The following NTN1 variants were observed in gnomAD, a reference collection of about 807,000 sequenced individuals.
NTN1 encodes the protein netrin 1, also known as netrin-1.
A neutral mutation model predicts 54.2 loss-of-function variants in NTN1; 11 were observed. The ratio of observed to expected loss-of-function variants is 0.20; its 90% confidence interval spans 0.13 to 0.34. The LOEUF (loss-of-function observed/expected upper bound fraction) is 0.34, where lower values mean the gene tolerates loss of function less well. NTN1 is among the 10% of genes least tolerant of loss of function. The pLI is 1.00. For missense variants in NTN1, 740 were observed against 893.1 expected (o/e 0.83, Z 2.18); for synonymous variants, 371 against 382.0 (o/e 0.97, Z 0.33).
intron 5 of NTN1, among the ~76,000 whole-genome samples, chr17:9,188,367 G>A (rs1469269523): frequency 6.7e-6 from 1 of 148,326 alleles, no homozygotes; most frequent in Non-Finnish European, 1.5e-5. Context: ...GGTGGAGGTT[G>A]CAGTGAGCTG....
chr17:9,134,040 G>T (rs781235188), intron 2 of NTN1, among the ~76,000 whole-genome samples: 1 of 151,156 alleles, frequency 6.6e-6, no homozygotes, highest in Non-Finnish European at 1.5e-5. Flanking sequence ...AAGTAGCTGG[G>T]ATTACAGGCA....
intron 2 of NTN1, among the ~76,000 whole-genome samples, chr17:9,107,097 T>C (rs2092170009): frequency 6.6e-6 from 1 of 152,178 alleles, no homozygotes; most frequent in Non-Finnish European, 1.5e-5. Flanking sequence ...TTATTTACAC[T>C]TGGGGTATTA....
Position 9,240,116 on chromosome 17 carries a change from G to A in NTN1, c.*148G>A, listed in dbSNP as rs921721648. On this transcript the variant is annotated 3_prime_UTR_variant, in exon 7 of 7. Coordinates refer to ENST00000173229, the MANE Select transcript of NTN1 (RefSeq NM_004822.3). ...GGCGGGGCCGCACGGCGCGGGGGGC[G>A]GGACCCTCGGCGGCCCCTCCCCCTA... 4.1e-6 allele frequency: 1 copy of A among 243,288 alleles called. No individual in the cohort carries two copies. The highest frequency in any genetic ancestry group is 2.3e-5 in the African/African-American group (1 of 43,062). The allele number at this position is 243,288 out of a possible 1,614,324, so 15.1% of individuals were successfully genotyped here.
intron 6 of NTN1, among the ~76,000 whole-genome samples, chr17:9,229,006 G>GT (rs1905704301): frequency 8.1e-6 from 1 of 123,892 alleles, no homozygotes; most frequent in South Asian, 2.8e-4. Flanking sequence ...TTCTGTGACT[G>GT]TAAGTGTGAC....
At chr17:9,054,951 T>C (rs1422998787) in intron 2 of NTN1, among the ~76,000 whole-genome samples, 3 of 152,150 alleles carry the variant, frequency 2.0e-5, no homozygotes, top group East Asian at 1.9e-4. Flanking sequence ...GCGGTTTTAA[T>C]GGACAGTGTA....
chr17:9,193,070 A>C (rs1204827805), intron 5 of NTN1, among the ~76,000 whole-genome samples: 1 of 120,024 alleles, frequency 8.3e-6, no homozygotes, highest in Non-Finnish European at 1.6e-5. Flanking sequence ...ACAGAGTGAG[A>C]CTCTGTCTCA....
intron 2 of NTN1, among the ~76,000 whole-genome samples, chr17:9,051,378 G>A (rs866040109): frequency 1.3e-5 from 2 of 152,150 alleles, no homozygotes; most frequent in Non-Finnish European, 2.9e-5. Flanking sequence ...CTGACCCTGG[G>A]TCCGGATTCG....
chr17:9,027,770 A>T (rs896003365), intron 2 of NTN1, among the ~76,000 whole-genome samples: 7 of 152,076 alleles, frequency 4.6e-5, no homozygotes, highest in Admixed American at 1.3e-4. Context: ...GGGACTATGA[A>T]TTAAGGGGGT....
rs187628816 is a variant in NTN1 at position 9,216,401 on chromosome 17, T to A, written c.1412-4767T>A. Among the ~76,000 whole-genome samples the A allele has an allele frequency of 9.9e-4, 151 of 152,382 alleles. 1 individual carries two copies. The highest frequency in any genetic ancestry group is 3.4e-3 in the African/African-American group (140 of 41,594). On this transcript the variant is annotated intron_variant, in intron 5 of 6. Coordinates refer to ENST00000173229, the MANE Select transcript of NTN1 (RefSeq NM_004822.3). ...TCATAGAGGCTTTGTCATTTTAGTC[T>A]TTTTAGTCTGCCATGCCCATTTGGC...
At position 9,221,147 on chromosome 17, in the gene NTN1, T is replaced by TGGGCC; in HGVS notation, c.1412-21_1412-20insGGGCC. The TGGGCC allele has an allele frequency of 2.5e-5, 32 of 1,303,624 alleles. No homozygotes were observed. Among genetic ancestry groups the TGGGCC allele is most frequent in the Non-Finnish European group, 3.1e-5 (30 of 952,706 alleles). The allele number at this position is 1,303,624 out of a possible 1,614,324, so 80.8% of individuals were successfully genotyped here. A position where few individuals can be genotyped will look rare whatever the true frequency, so the allele number is the denominator to read the frequency against. On this transcript the variant is annotated intron_variant, in intron 5 of 6. Transcript: ENST00000173229. This position sits in a 1 kb window ranked among gnomAD's most constrained non-coding sequence, Gnocchi z 4.5. ...CAGCCTAATTAGTTTTTGTCTGTGC[T>TGGGCC]CCCCCCCCACCCCCCTGCAGACTGC...
At chr17:9,106,475 T>TCCTC (rs1449108080) in intron 2 of NTN1, among the ~76,000 whole-genome samples, 7 of 20,024 alleles carry the variant, frequency 3.5e-4, no homozygotes, top group Non-Finnish European at 4.9e-4. Context: ...CTCCCTTCCT[T>TCCTC]CCTTCCTTCC....
chr17:9,081,627 G>C (rs142101350), intron 2 of NTN1, among the ~76,000 whole-genome samples: 1 of 152,182 alleles, frequency 6.6e-6, no homozygotes, highest in African/African-American at 2.4e-5. Flanking sequence ...CGAGGAAGCC[G>C]ACTGCTGTCG....
At chr17:9,093,629 G>C (rs1018263516) in intron 2 of NTN1, among the ~76,000 whole-genome samples, 6 of 152,192 alleles carry the variant, frequency 3.9e-5, no homozygotes, top group Admixed American at 1.3e-4. Context: ...CAAAGTGTAG[G>C]ATTACAGGAG....
At chr17:9,227,226 C>CTTCA (rs1314020587) in intron 6 of NTN1, among the ~76,000 whole-genome samples, 1 of 48,744 alleles carries the variant, frequency 2.1e-5, no homozygotes, top group Admixed American at 2.4e-4. Flanking sequence ...CACACCATCA[C>CTTCA]ATCACATACA....
chr17:9,023,539 G>A (rs2091860699), intron 2 of NTN1, 148 bp downstream of exon 2: 1 of 1,017,688 alleles, frequency 9.8e-7, no homozygotes, highest in African/African-American at 1.7e-5. Flanking sequence ...AGGGCTCAGA[G>A]CAGGTCCACT....
intron 2 of NTN1, among the ~76,000 whole-genome samples, chr17:9,147,910 A>G (rs973058536): frequency 6.6e-6 from 1 of 152,204 alleles, no homozygotes; most frequent in Non-Finnish European, 1.5e-5. Context: ...GATCATTTTC[A>G]CCACAAAGCA....
At chr17:9,145,772 GC>G (rs1191009085) in intron 2 of NTN1, among the ~76,000 whole-genome samples, 2 of 152,040 alleles carry the variant, frequency 1.3e-5, no homozygotes, top group Non-Finnish European at 2.9e-5. Context: ...CAAAAAATTA[GC>G]CGGGCGTGGT....
intron 2 of NTN1, among the ~76,000 whole-genome samples, chr17:9,136,449 C>G (rs193277538): frequency 6.6e-6 from 1 of 152,032 alleles, no homozygotes; most frequent in Admixed American, 6.6e-5. Flanking sequence ...TAGTGGCATG[C>G]GCCTGTAATC....
chr17:9,051,656 T>C (rs1405795810), intron 2 of NTN1, among the ~76,000 whole-genome samples: 1 of 152,210 alleles, frequency 6.6e-6, no homozygotes, highest in Non-Finnish European at 1.5e-5. Flanking sequence ...CTAATTAATA[T>C]AGCCATCACC....
Sources: allele counts gnomAD v4.1 joint callset (sites outside exome capture counted in the v4.1 genomes callset), GRCh38; gene constraint gnomAD v4.1.1; non-coding constraint Gnocchi (gnomAD v3.1); transcripts MANE v1.5; gene names NCBI Gene and HGNC (gene_info 2026-07-23, HGNC 2026-07-21).